JMY: variants seen among roughly 807,000 people sequenced by gnomAD.
JMY encodes the protein junction mediating and regulatory protein, p53 cofactor.
In JMY, 46 loss-of-function variants were observed where a neutral mutation model predicts 103.3. That is an observed-to-expected ratio of 0.45 (90% CI 0.35 to 0.57). The LOEUF is 0.57. Ranked by LOEUF, JMY falls within the 20% of genes least tolerant of loss-of-function variation. The pLI is 0.00. For missense variants in JMY, 1,238 were observed against 1,255.2 expected, an observed-to-expected ratio of 0.99 and a Z score of 0.21; for synonymous variants, 526 against 489.3, an observed-to-expected ratio of 1.07 and a Z score of -0.99.
In JMY at chr5:79,326,172, A is replaced by G. The variant is rs1320514094; in HGVS notation, c.*4570A>G. 1 of 152,022 alleles carries G rather than the reference A, an allele frequency of 6.6e-6. No individual in the cohort carries two copies. 9.4% of individuals were successfully genotyped at this position (152,022 alleles called of 1,614,324 possible). A position where few individuals can be genotyped will look rare whatever the true frequency, so the allele number is the denominator to read the frequency against. ...AGTCATTTGTTTTGCGGGTTAGGGG[A>G]AAGTTTTGTTTTTTGCTGGTGTTTT... On this transcript the variant is annotated 3_prime_UTR_variant, in exon 11 of 11. Transcript: ENST00000396137.
chr5:79,300,828 G>A lies in JMY; in HGVS notation c.1846G>A (p.Val616Ile). ...ARQLEARRGR[V>I]SAKKSYLRNK... Reference sequence around the variant, plus strand: ...CCAGCTGGAAGCAAGACGTGGACGGGTTTCTGCCAAGAAATCCTACCTCAG... The same window carrying A: ...CCAGCTGGAAGCAAGACGTGGACGGATTTCTGCCAAGAAATCCTACCTCAG... The change falls in exon 6 of 11, where the codon GTT (valine) becomes ATT (isoleucine). Residue 616 changes from valine to isoleucine, a missense_variant. Transcript: ENST00000396137. The A allele has an allele frequency of 6.3e-7, 1 of 1,594,228 alleles. No individual in the cohort carries two copies. Among genetic ancestry groups the A allele is most frequent in the Non-Finnish European group, 8.5e-7 (1 of 1,174,148 alleles).
chr5:79,299,952 CATATA>C (rs926493693), intron 4 of JMY, among the ~76,000 whole-genome samples, 196 bp from the exon 5 acceptor site: 3 of 150,852 alleles, frequency 2.0e-5, no homozygotes, highest in South Asian at 2.1e-4. Flanking sequence ...CTACTTCCAC[CATATA>C]ATATGACTTG....
At position 79,314,628 on chromosome 5, in the gene JMY, A is replaced by ACCCCCCCCCCCCC. The variant is rs1561316043; in HGVS notation, c.2438_2439insCCCCCCCCCCCCC (p.Pro818SerfsTer17). ...CATCCCCTCTTCCTCCAACACCACCACCTCCCCCACCTCCTCCCCCTCCCC... is the reference window on the plus strand; with the variant it reads ...CATCCCCTCTTCCTCCAACACCACCACCCCCCCCCCCCCCCTCCCCCACCTCCTCCCCCTCCCC... On this transcript the variant is annotated frameshift_variant, in exon 9 of 11. Coordinates refer to ENST00000396137, the MANE Select transcript of JMY (RefSeq NM_152405.5). LOFTEE classifies it high-confidence loss of function. The ACCCCCCCCCCCCC allele has an allele frequency of 8.9e-7, 1 of 1,126,320 alleles. No individual in the cohort carries two copies. Among genetic ancestry groups the ACCCCCCCCCCCCC allele is most frequent in the African/African-American group, 1.7e-5 (1 of 59,042 alleles). 69.8% of individuals were successfully genotyped at this position (1,126,320 alleles called of 1,614,324 possible).
intron 7 of JMY, among the ~76,000 whole-genome samples, chr5:79,307,771 T>C (rs997035474): frequency 6.6e-6 from 1 of 152,140 alleles, no homozygotes; most frequent in African/African-American, 2.4e-5. Context: ...TGGAGTCTTA[T>C]TCTGTCACCA....
At chr5:79,280,854 A>AT (rs35313155) in intron 2 of JMY, among the ~76,000 whole-genome samples, 18 of 147,196 alleles carry the variant, frequency 1.2e-4, no homozygotes, top group East Asian at 4.0e-4. Flanking sequence ...GATTCCAAAG[A>AT]TTTTTTTTTT....
intron 8 of JMY, 105 bp downstream of exon 8, chr5:79,312,603 C>A: frequency 1.9e-6 from 1 of 533,590 alleles, no homozygotes; most frequent in South Asian, 4.8e-5. Context: ...TTGGTTTTCC[C>A]TTATTTATAA....
intron 7 of JMY, among the ~76,000 whole-genome samples, chr5:79,309,626 TC>T (rs1281273444): frequency 1.3e-5 from 2 of 152,208 alleles, no homozygotes; most frequent in South Asian, 2.1e-4. Context: ...TAAATTTGTC[TC>T]CATTACTCCT....
intron 1 of JMY, among the ~76,000 whole-genome samples, chr5:79,238,620 A>G (rs1744599365): frequency 6.6e-6 from 1 of 150,556 alleles, no homozygotes; most frequent in South Asian, 2.1e-4. Flanking sequence ...AGATTGGTGG[A>G]GAAATGCACC....
chr5:79,286,982 T>C (rs1034656578), intron 2 of JMY, among the ~76,000 whole-genome samples: 2 of 152,138 alleles, frequency 1.3e-5, no homozygotes, highest in Admixed American at 6.6e-5. Context: ...ATTGGAATTA[T>C]TAAAACTGAA....
chr5:79,290,813 C>T (rs1249791577), intron 3 of JMY, among the ~76,000 whole-genome samples: 1 of 152,084 alleles, frequency 6.6e-6, no homozygotes, highest in African/African-American at 2.4e-5. Context: ...TGGTGAAACC[C>T]CATCTCTACT....
intron 8 of JMY, among the ~76,000 whole-genome samples, chr5:79,312,861 A>G (rs901174282): frequency 6.6e-6 from 1 of 152,304 alleles, no homozygotes; most frequent in East Asian, 1.9e-4. Flanking sequence ...CTGTGGTGGT[A>G]ATACATCAAA....
chr5:79,291,731 C>G (rs1012235178), intron 4 of JMY, among the ~76,000 whole-genome samples: 1 of 152,202 alleles, frequency 6.6e-6, no homozygotes, highest in Non-Finnish European at 1.5e-5. Context: ...TACTGGAACA[C>G]ACTGGTCTCC....
intron 9 of JMY, 138 bp downstream of exon 9, chr5:79,314,989 T>G: frequency 1.3e-6 from 1 of 745,522 alleles, no homozygotes. Flanking sequence ...AAAGTCACAC[T>G]AGAGGAGAAT....
At chr5:79,242,332 T>G (rs1222059708) in intron 1 of JMY, among the ~76,000 whole-genome samples, 1 of 152,164 alleles carries the variant, frequency 6.6e-6, no homozygotes, top group East Asian at 1.9e-4. Flanking sequence ...AAGGATGTCT[T>G]AAGATTTGAG....
chr5:79,246,985 T>G (rs1253456963), intron 1 of JMY, among the ~76,000 whole-genome samples: 1 of 152,116 alleles, frequency 6.6e-6, no homozygotes, highest in Non-Finnish European at 1.5e-5. Context: ...ACCTAAGAGA[T>G]AAGGATTTTG....
chr5:79,263,963 A>G (rs564307201), intron 1 of JMY, among the ~76,000 whole-genome samples: 2 of 150,854 alleles, frequency 1.3e-5, no homozygotes, highest in African/African-American at 4.9e-5. Flanking sequence ...ACACCCAGCT[A>G]ATTAGTAGAG....
rs376098096 is a variant in JMY, at chr5:79,291,235, C to G, written c.1463C>G (p.Thr488Ser). The G allele has an allele frequency of 1.2e-6, 2 of 1,613,062 alleles. No homozygotes were observed. Among genetic ancestry groups the G allele is most frequent in the African/African-American group, 2.7e-5 (2 of 74,892 alleles). ...EKLQYAVSKE[T>S]LQMMRAKEIC... ...CTCCAGTATGCAGTTTCTAAGGAAA[C>G]TTTGCAGATGATGAGAGCTAAAGAG... is the stretch of plus-strand genomic sequence containing the variant. The change falls in exon 4 of 11, where the codon ACT becomes AGT. Residue 488 changes from threonine to serine, a missense_variant. Coordinates refer to ENST00000396137, the MANE Select transcript of JMY (RefSeq NM_152405.5).
intron 2 of JMY, among the ~76,000 whole-genome samples, chr5:79,283,201 C>T (rs911584883): frequency 6.6e-6 from 1 of 151,866 alleles, no homozygotes; most frequent in African/African-American, 2.4e-5. Context: ...CCATGTTAGG[C>T]TGGTCTTGAA....
rs1322596577 is a variant in JMY, at chr5:79,321,838, C to T, written c.*236C>T. On this transcript the variant is annotated 3_prime_UTR_variant, in exon 11 of 11. Coordinates refer to ENST00000396137, the MANE Select transcript of JMY (RefSeq NM_152405.5). ...TTCCTGACTGCAATGAAGAAAAGGC[C>T]TTCTGGAGATTTCTGTTTTTTAAGC... 6.6e-6 allele frequency: 1 copy of T among 152,090 alleles called. No homozygotes were observed. The highest frequency in any genetic ancestry group is 1.5e-5 in the Non-Finnish European group (1 of 68,016). The allele number at this position is 152,090 out of a possible 1,614,324, so 9.4% of individuals were successfully genotyped here.
Sources: allele counts gnomAD v4.1 joint callset (sites outside exome capture counted in the v4.1 genomes callset), GRCh38; gene constraint gnomAD v4.1.1; transcripts MANE v1.5; gene names NCBI Gene and HGNC (gene_info 2026-07-23, HGNC 2026-07-21).